The following PCDHGA2 variants were observed in gnomAD, a reference collection of about 807,000 sequenced individuals.
PCDHGA2 encodes protocadherin gamma-A2.
In PCDHGA2, 40 loss-of-function variants were observed where a neutral mutation model predicts 59.2. That is an observed-to-expected ratio of 0.68 (90% CI 0.52 to 0.88). The LOEUF (loss-of-function observed/expected upper bound fraction) is 0.88, where lower values mean the gene tolerates loss of function less well. PCDHGA2 is among the 40% of genes least tolerant of loss of function. PCDHGA2 has a pLI of 0.00. For missense variants in PCDHGA2, 1,226 were observed against 1,204.0 expected, an observed-to-expected ratio of 1.02 and a Z score of -0.27; for synonymous variants, 560 against 526.0, an observed-to-expected ratio of 1.06 and a Z score of -0.89.
chr5:141,388,433 A>G, intron 1 of PCDHGA2: 1 of 1,613,878 alleles, frequency 6.2e-7, no homozygotes, highest in Non-Finnish European at 8.5e-7. Flanking sequence ...TGATAAATAA[A>G]GAGAAATCAG....
chr5:141,460,983 G>GTGTATA (rs1554142949), intron 1 of PCDHGA2, among the ~76,000 whole-genome samples: 24 of 137,844 alleles, frequency 1.7e-4, no homozygotes, highest in African/African-American at 5.4e-4. Context: ...GTGTGTGTGT[G>GTGTATA]TATATATATA....
intron 1 of PCDHGA2, chr5:141,357,114 C>G (rs1464879895): frequency 6.2e-7 from 1 of 1,613,822 alleles, no homozygotes; most frequent in South Asian, 1.1e-5. Context: ...GAGACGCGCT[C>G]AAGCAGAGGC....
In PCDHGA2 at chr5:141,431,932, C is replaced by A; in HGVS notation, c.2425-62875C>A. 1 of 1,614,172 alleles carries A rather than the reference C, an allele frequency of 6.2e-7. No homozygotes were observed. Among genetic ancestry groups the A allele is most frequent in the Non-Finnish European group, 8.5e-7 (1 of 1,180,002 alleles). The stretch of plus-strand genomic sequence containing the variant: ...TCTGTTTCATCCAAGGAAATCTGCC[C>A]TTTAAATTAGAAAAATCTTACGGAA... On this transcript the variant is annotated intron_variant, in intron 1 of 3. Transcript: ENST00000394576. The surrounding 1 kb of genome is among the most constrained non-coding windows in gnomAD (Gnocchi z 4.8).
intron 1 of PCDHGA2, among the ~76,000 whole-genome samples, chr5:141,401,064 C>T (rs146303449): frequency 1.3e-5 from 2 of 152,226 alleles, no homozygotes; most frequent in East Asian, 3.9e-4. Flanking sequence ...TATATGTTGG[C>T]TGGGTGCAGT....
At chr5:141,465,757 T>C (rs2099108578) in intron 1 of PCDHGA2, among the ~76,000 whole-genome samples, 1 of 152,046 alleles carries the variant, frequency 6.6e-6, no homozygotes, top group South Asian at 2.1e-4. Context: ...ACTGGTAAAG[T>C]CATGTTTCAT....
In PCDHGA2 at chr5:141,370,660, G is replaced by A. The variant is rs199537402; in HGVS notation, c.2424+29265G>A. 3.1e-6 allele frequency: 5 copies of A among 1,613,752 alleles called. No individual in the cohort carries two copies. The Admixed American group carries it at 5.0e-5, about 16-fold the overall frequency. ...AATGGGAACTTACTTGTGAGCGACC[G>A]TATAGACCGAGAGGAGATTTGTGGC... On this transcript the variant is annotated intron_variant, in intron 1 of 3. Transcript: ENST00000394576.
At chr5:141,393,459 G>C (rs988813968) in intron 1 of PCDHGA2, 1 of 1,613,928 alleles carries the variant, frequency 6.2e-7, no homozygotes, top group Non-Finnish European at 8.5e-7. Flanking sequence ...CACGGCCTCG[G>C]ATGGCGGCAA....
At position 141,489,099 on chromosome 5, in the gene PCDHGA2, G is replaced by C; in HGVS notation, c.2425-5708G>C. 5.5e-6 allele frequency: 2 copies of C among 361,982 alleles called. No homozygotes were observed. The highest frequency in any genetic ancestry group is 5.0e-5 in the South Asian group (1 of 19,862). 22.4% of individuals were successfully genotyped at this position (361,982 alleles called of 1,614,324 possible). On this transcript the variant is annotated intron_variant, in intron 1 of 3. Coordinates refer to ENST00000394576, the MANE Select transcript of PCDHGA2 (RefSeq NM_018915.4). The surrounding 1 kb of genome is among the most constrained non-coding windows in gnomAD (Gnocchi z 4.5). Reference sequence around the variant, plus strand: ...CCCCGCCACTCGGTGACTAAGAACTGCTGCAAGCAGGCAAACCTCCGAGCA... The same window carrying C: ...CCCCGCCACTCGGTGACTAAGAACTCCTGCAAGCAGGCAAACCTCCGAGCA...
chr5:141,371,328 A>G, intron 1 of PCDHGA2: 1 of 1,614,010 alleles, frequency 6.2e-7, no homozygotes, highest in Non-Finnish European at 8.5e-7. Flanking sequence ...CTTTGAAGAG[A>G]GAGATAGCTA....
chr5:141,496,192 C>T (rs942276204), intron 2 of PCDHGA2, among the ~76,000 whole-genome samples: 1 of 152,098 alleles, frequency 6.6e-6, no homozygotes, highest in Non-Finnish European at 1.5e-5. Flanking sequence ...CCCAGCTGCT[C>T]ATTTCAATCT....
intron 1 of PCDHGA2, chr5:141,365,202 C>G (rs1763792764): frequency 6.2e-7 from 1 of 1,613,774 alleles, no homozygotes; most frequent in Non-Finnish European, 8.5e-7. Context: ...ATTTCGGAGA[C>G]TTTCCAACTT....
chr5:141,357,723 T>C, intron 1 of PCDHGA2: 2 of 1,391,112 alleles, frequency 1.4e-6, no homozygotes, highest in Admixed American at 5.3e-5. Flanking sequence ...AAGTTGCCTC[T>C]TTTAATATTT....
At chr5:141,372,599 T>C (rs1768901288) in intron 1 of PCDHGA2, 1 of 1,613,920 alleles carries the variant, frequency 6.2e-7, no homozygotes, top group Non-Finnish European at 8.5e-7. Context: ...GCTTCAAGAC[T>C]GTACCTGGAG....
Position 141,383,130 on chromosome 5 carries a change from G to C in PCDHGA2, c.2424+41735G>C, listed in dbSNP as rs1328104143. On this transcript the variant is annotated intron_variant, in intron 1 of 3. Coordinates refer to ENST00000394576, the MANE Select transcript of PCDHGA2 (RefSeq NM_018915.4). ...GAGGTAGGACGCAGCTTTTCGCCCT[G>C]AACCAGCGCAGCGGCAGCTTGGTCA... 3.1e-6 allele frequency: 5 copies of C among 1,614,008 alleles called. No homozygotes were observed. In the African/African-American group the frequency reaches 5.3e-5, roughly 17 times the overall value.
In PCDHGA2 at chr5:141,432,670, G is replaced by C; in HGVS notation, c.2425-62137G>C. On this transcript the variant is annotated intron_variant, in intron 1 of 3. Transcript: ENST00000394576. The surrounding 1 kb of genome is among the most constrained non-coding windows in gnomAD (Gnocchi z 6.0). ...CGCGAGCCCTGCTGGACAGAGACGCGCTCAAGCAGAGCCTCGTAGTGGCCG... is the reference window on the plus strand; with the variant it reads ...CGCGAGCCCTGCTGGACAGAGACGCCCTCAAGCAGAGCCTCGTAGTGGCCG... 1 of 1,613,868 alleles carries C rather than the reference G, an allele frequency of 6.2e-7. No homozygotes were observed. The highest frequency in any genetic ancestry group is 8.5e-7 in the Non-Finnish European group (1 of 1,179,940).
intron 1 of PCDHGA2, chr5:141,430,753 G>C (rs1175014357): frequency 6.6e-7 from 1 of 1,504,258 alleles, no homozygotes. Context: ...TCTGGAGGAA[G>C]ATAAGAATGA....
At chr5:141,496,844 T>G (rs1275272674) in intron 2 of PCDHGA2, among the ~76,000 whole-genome samples, 2 of 150,852 alleles carry the variant, frequency 1.3e-5, no homozygotes, top group Non-Finnish European at 2.9e-5. Context: ...CTCATAGGCT[T>G]CCAGACCAGC....
intron 1 of PCDHGA2, chr5:141,400,510 T>C: frequency 6.2e-7 from 1 of 1,613,972 alleles, no homozygotes; most frequent in Non-Finnish European, 8.5e-7. Context: ...CGAGTCGACT[T>C]CCCATCCTGA....
At position 141,494,693 on chromosome 5, in the gene PCDHGA2, G is replaced by A. The variant is rs2099756182; in HGVS notation, c.2425-114G>A. The A allele has an allele frequency of 5.0e-6, 8 of 1,585,786 alleles. No individual in the cohort carries two copies. In the South Asian group the frequency reaches 6.8e-5, roughly 13 times the overall value. ...GTCCACCCCTGCCCCCTCTTAGTCC[G>A]TTTTCTTCTCTGTGCCCACTCCCCT... is the stretch of plus-strand genomic sequence containing the variant. On this transcript the variant is annotated intron_variant, in intron 1 of 3. Transcript: ENST00000394576.
Sources: gnomAD v4.1 joint callset for allele counts (sites outside exome capture counted in the v4.1 genomes callset) on GRCh38, gnomAD v4.1.1 for gene constraint, Gnocchi (gnomAD v3.1) non-coding constraint, MANE v1.5 for transcripts, NCBI Gene and HGNC (gene_info 2026-07-23, HGNC 2026-07-21) for gene names.